Variants in SIM1 observed in about 807,000 individuals in gnomAD.
SIM1 encodes the protein single-minded homolog 1.
A neutral mutation model predicts 78.2 loss-of-function variants in SIM1; 18 were observed. The ratio of observed to expected loss-of-function variants is 0.23; its 90% CI spans 0.16 to 0.34. The LOEUF is 0.34. Ranked by LOEUF, SIM1 falls within the 10% of genes least tolerant of loss-of-function variation. The pLI is 1.00. For synonymous variants in SIM1, 417 were observed against 385.2 expected (o/e 1.08, Z -0.97); for missense variants, 939 against 975.1 (o/e 0.96, Z 0.49).
chr6:100,431,606 G>T (rs1160469144), intron 9 of SIM1, among the ~76,000 whole-genome samples: 4 of 152,108 alleles, frequency 2.6e-5, no homozygotes, highest in Non-Finnish European at 4.4e-5. Context: ...ATTTTGGATT[G>T]CCCACTAAAA....
intron 10 of SIM1, among the ~76,000 whole-genome samples, chr6:100,397,980 T>C (rs1405025564): frequency 1.3e-5 from 2 of 152,134 alleles, no homozygotes; most frequent in Non-Finnish European, 2.9e-5. Context: ...GATACACCTA[T>C]CAGGCTGGCT....
At chr6:100,446,140 T>G (rs539075716) in intron 9 of SIM1, among the ~76,000 whole-genome samples, 10 of 152,352 alleles carry the variant, frequency 6.6e-5, no homozygotes, top group African/African-American at 2.4e-4. Flanking sequence ...TGAATTAAAT[T>G]TTTTTATTAA....
At chr6:100,422,687 C>CCACA (rs143750352) in intron 9 of SIM1, among the ~76,000 whole-genome samples, 13 of 150,504 alleles carry the variant, frequency 8.6e-5, no homozygotes, top group Non-Finnish European at 1.5e-4. Context: ...AGTATTTTCA[C>CCACA]CACACACACA....
chr6:100,424,459 A>G (rs1180706030), intron 9 of SIM1, among the ~76,000 whole-genome samples: 1 of 152,034 alleles, frequency 6.6e-6, no homozygotes, highest in Admixed American at 6.6e-5. Flanking sequence ...TGTTTGAGAC[A>G]GGGTCTCACT....
At position 100,448,261 on chromosome 6, in the gene SIM1, A is replaced by G; in HGVS notation, c.744-9T>C. 6.2e-7 allele frequency: 1 copy of G among 1,607,022 alleles called. No homozygotes were observed. The highest frequency in any genetic ancestry group is 8.5e-7 in the Non-Finnish European group (1 of 1,175,654). ...CCGTCAGCTCCGCCACCCTGAGGAGAGCAATCCCTGCAGGATGAATGCAGG... is the reference window on the plus strand; with the variant it reads ...CCGTCAGCTCCGCCACCCTGAGGAGGGCAATCCCTGCAGGATGAATGCAGG... On this transcript the variant is annotated splice_polypyrimidine_tract_variant and intron_variant, in intron 7 of 11. Coordinates refer to ENST00000369208, the MANE Select transcript of SIM1 (RefSeq NM_005068.3).
At chr6:100,413,841 G>A (rs531253166) in intron 10 of SIM1, among the ~76,000 whole-genome samples, 2 of 152,254 alleles carry the variant, frequency 1.3e-5, no homozygotes, top group Admixed American at 1.3e-4. Flanking sequence ...AACTGCATTG[G>A]AAACAACCAC....
chr6:100,448,096 C>T lies in SIM1; in HGVS notation c.850+50G>A, dbSNP rs779896786. 2.7e-6 allele frequency: 4 copies of T among 1,467,330 alleles called. No individual in the cohort carries two copies. The South Asian group carries it at 3.6e-5, about 13-fold the overall frequency. 90.9% of individuals were successfully genotyped at this position (1,467,330 alleles called of 1,614,324 possible). ...AAATCGTGGCTCCCCCACCCCCTAA[C>T]CAGCGGATGCGCCAAGGTTGCTAGG... On this transcript the variant is annotated intron_variant, in intron 8 of 11. Transcript: ENST00000369208.
At chr6:100,455,331 C>A (rs1772618332) in intron 2 of SIM1, among the ~76,000 whole-genome samples, 1 of 152,176 alleles carries the variant, frequency 6.6e-6, no homozygotes, top group African/African-American at 2.4e-5. Flanking sequence ...GACTCTTTAG[C>A]CCGCCCGAGG....
intron 9 of SIM1, among the ~76,000 whole-genome samples, chr6:100,442,656 T>A (rs556258000): frequency 3.6e-4 from 55 of 152,236 alleles, no homozygotes; most frequent in Admixed American, 1.2e-3. Flanking sequence ...GTATTTATAT[T>A]TTTGTAATAC....
At chr6:100,430,342 G>T (rs1003718283) in intron 9 of SIM1, among the ~76,000 whole-genome samples, 1 of 152,120 alleles carries the variant, frequency 6.6e-6, no homozygotes, top group Admixed American at 6.6e-5. Context: ...GGCTGGAGGA[G>T]GGTGTTGGTC....
intron 9 of SIM1, among the ~76,000 whole-genome samples, chr6:100,433,244 C>T (rs984078862): frequency 6.6e-6 from 1 of 152,196 alleles, no homozygotes; most frequent in Admixed American, 6.5e-5. Context: ...CCTTCAAGAT[C>T]CAAGGCGATC....
chr6:100,447,291 G>A lies in SIM1; in HGVS notation c.975C>T (p.Ile325=), dbSNP rs767842020. The A allele has an allele frequency of 6.2e-7, 1 of 1,614,234 alleles. No individual in the cohort carries two copies. The highest frequency in any genetic ancestry group is 8.5e-7 in the Non-Finnish European group (1 of 1,180,046). Residue 325 remains isoleucine, a synonymous_variant, in exon 9 of 12, where the codon ATC becomes ATT. Coordinates refer to ENST00000369208, the MANE Select transcript of SIM1 (RefSeq NM_005068.3). ...HNSRSSRPHC[I]VSVNYVLTDT... is the part of the protein sequence containing the mutation. ...ACGTGAGGACATAGTTGACGCTGAC[G>A]ATACAGTGTGGCCTGGAGGAGCGAC...
chr6:100,400,469 A>T (rs1383395722), intron 10 of SIM1, among the ~76,000 whole-genome samples: 1 of 152,070 alleles, frequency 6.6e-6, no homozygotes, highest in African/African-American at 2.4e-5. Context: ...TTCAACCTGA[A>T]AAAAAAACTT....
Position 100,385,669 on chromosome 6 carries a change from A to ATTTATGTGTGTGTGTG in SIM1, c.*4691_*4692insCACACACACACATAAA, listed in dbSNP as rs1770500850. On this transcript the variant is annotated 3_prime_UTR_variant, in exon 12 of 12. Transcript: ENST00000369208. ...TATGTGAACCATCATTTATTTATTT[A>ATTTATGTGTGTGTGTG]TGTGTGTGTGTGTGTGTGTGTGTGT... The ATTTATGTGTGTGTGTG allele has an allele frequency of 7.0e-6, 1 of 143,432 alleles. No homozygotes were observed. The highest frequency in any genetic ancestry group is 2.6e-5 in the African/African-American group (1 of 38,170). The allele number at this position is 143,432 out of a possible 1,614,324, so 8.9% of individuals were successfully genotyped here.
At chr6:100,453,966 C>CAGT in intron 2 of SIM1, 122 bp from the exon 3 acceptor site, 2 of 595,280 alleles carry the variant, frequency 3.4e-6, no homozygotes, top group Non-Finnish European at 5.7e-6. Context: ...ATAGGGGATC[C>CAGT]CTCTCAAAGT....
intron 10 of SIM1, among the ~76,000 whole-genome samples, chr6:100,410,165 A>G (rs920996221): frequency 6.6e-6 from 1 of 152,232 alleles, no homozygotes; most frequent in Non-Finnish European, 1.5e-5. Flanking sequence ...GTCAAATCCC[A>G]CCATATACTG....
chr6:100,435,617 A>C (rs990382099), intron 9 of SIM1, among the ~76,000 whole-genome samples: 11 of 152,218 alleles, frequency 7.2e-5, no homozygotes, highest in Non-Finnish European at 2.9e-5. Context: ...AGACAGAGGA[A>C]CAATACCTGA....
At chr6:100,397,584 T>C (rs1048130349) in intron 10 of SIM1, among the ~76,000 whole-genome samples, 6 of 151,776 alleles carry the variant, frequency 4.0e-5, no homozygotes, top group African/African-American at 1.5e-4. Context: ...GAAAATAACA[T>C]AGAAGAAAAT....
intron 2 of SIM1, among the ~76,000 whole-genome samples, chr6:100,461,200 G>A (rs924433065): frequency 3.9e-5 from 6 of 152,168 alleles, no homozygotes; most frequent in Non-Finnish European, 7.3e-5. Context: ...TAAAAATAAC[G>A]AGAGGTTGGC....
Sources: gnomAD v4.1 joint callset for allele counts (sites outside exome capture counted in the v4.1 genomes callset) on GRCh38, gnomAD v4.1.1 for gene constraint, MANE v1.5 for transcripts, NCBI Gene and HGNC (gene_info 2026-07-23, HGNC 2026-07-21) for gene names.